CMSS1: variants seen among roughly 807,000 people sequenced by gnomAD.
The protein encoded by CMSS1 is cms1 ribosomal small subunit homolog, also known as protein CMSS1.
A neutral mutation model predicts 43.5 loss-of-function variants in CMSS1; 33 were observed. The observed-to-expected ratio is 0.76, with a 90% CI of 0.57 to 1.01. CMSS1 has a LOEUF of 1.01. CMSS1 is among the 50% of genes least tolerant of loss of function. The pLI is 0.00. For synonymous variants in CMSS1, 115 were observed against 117.2 expected (o/e 0.98, Z 0.12); for missense variants, 313 against 326.4 (o/e 0.96, Z 0.32).
chr3:99,918,192 G>C (rs796618259), intron 1 of CMSS1, among the ~76,000 whole-genome samples: 20 of 152,110 alleles, frequency 1.3e-4, no homozygotes, highest in Admixed American at 3.9e-4. Flanking sequence ...TGGCCAGGCT[G>C]GTCTCGAACC....
intron 1 of CMSS1, among the ~76,000 whole-genome samples, chr3:100,110,578 G>A (rs1009553495): frequency 3.3e-5 from 5 of 152,034 alleles, no homozygotes; most frequent in Non-Finnish European, 5.9e-5. Flanking sequence ...CAGGAAGAAC[G>A]TAAAAAAAGA....
intron 1 of CMSS1, chr3:99,849,161 T>C (rs1401457072): frequency 6.2e-7 from 1 of 1,614,040 alleles, no homozygotes; most frequent in South Asian, 1.1e-5. Context: ...CCCTCATCAT[T>C]AGGGTCCTCG....
chr3:99,848,940 T>C, intron 1 of CMSS1: 1 of 1,614,160 alleles, frequency 6.2e-7, no homozygotes, highest in Non-Finnish European at 8.5e-7. Context: ...TGGCTGTGTT[T>C]TGTACATGGT....
intron 1 of CMSS1, chr3:99,849,240 G>A: frequency 6.2e-7 from 1 of 1,614,136 alleles, no homozygotes; most frequent in East Asian, 2.2e-5. Flanking sequence ...TGAGGCTCTT[G>A]TAATCAGGTG....
At chr3:100,069,247 T>G (rs2065720516) in intron 1 of CMSS1, among the ~76,000 whole-genome samples, 1 of 152,130 alleles carries the variant, frequency 6.6e-6, no homozygotes, top group African/African-American at 2.4e-5. Flanking sequence ...GTTAGTTGCA[T>G]TCTTTCTATC....
intron 1 of CMSS1, among the ~76,000 whole-genome samples, chr3:99,961,085 C>T (rs1057200532): frequency 3.3e-5 from 5 of 152,192 alleles, no homozygotes; most frequent in African/African-American, 1.2e-4. Context: ...GGATTATGCA[C>T]AGCCCAAATG....
chr3:100,122,475 A>G (rs2066630364), intron 1 of CMSS1, among the ~76,000 whole-genome samples: 1 of 152,240 alleles, frequency 6.6e-6, no homozygotes, highest in Non-Finnish European at 1.5e-5. Flanking sequence ...CCACATGGCA[A>G]AGTGACAAGG....
rs557541941 is a variant in CMSS1 at position 99,944,972 on chromosome 3, G to A, written c.64+126929G>A. On this transcript the variant is annotated intron_variant, in intron 1 of 9. Coordinates refer to ENST00000421999, the MANE Select transcript of CMSS1 (RefSeq NM_032359.4). ...GCTTCTTCACTACTGTTCATTATTC[G>A]GCTCATTCTAGGCAGTAGGGAGGGA... 2.0e-4 allele frequency among the ~76,000 whole-genome samples: 31 copies of A among 152,254 alleles called. No homozygotes were observed. The East Asian group carries it at 3.1e-3, about 15-fold the overall frequency.
At chr3:100,076,174 A>G (rs1274597265) in intron 1 of CMSS1, among the ~76,000 whole-genome samples, 1 of 152,188 alleles carries the variant, frequency 6.6e-6, no homozygotes, top group Non-Finnish European at 1.5e-5. Flanking sequence ...AATGTAAACA[A>G]TAATTTTGAT....
intron 1 of CMSS1, among the ~76,000 whole-genome samples, chr3:99,947,420 A>G (rs1162836430): frequency 6.6e-6 from 1 of 152,100 alleles, no homozygotes; most frequent in East Asian, 1.9e-4. Flanking sequence ...CCATTCTCCT[A>G]TTATTGGATA....
At chr3:100,154,131 T>C (rs1203265807) in intron 2 of CMSS1, among the ~76,000 whole-genome samples, 3 of 152,218 alleles carry the variant, frequency 2.0e-5, no homozygotes, top group Non-Finnish European at 4.4e-5. Flanking sequence ...ATTACAGGTG[T>C]GAGCCACCCC....
intron 1 of CMSS1, among the ~76,000 whole-genome samples, chr3:99,831,324 A>C (rs1942663953): frequency 6.6e-6 from 1 of 152,248 alleles, no homozygotes; most frequent in Non-Finnish European, 1.5e-5. Context: ...TGAAGAGAAA[A>C]ATACTAAAAG....
intron 1 of CMSS1, chr3:99,850,078 G>T: frequency 6.2e-7 from 1 of 1,612,784 alleles, no homozygotes; most frequent in Non-Finnish European, 8.5e-7. Context: ...AGTAACTGTT[G>T]TTACTTTATT....
chr3:100,154,423 G>A (rs1317317603), intron 2 of CMSS1, among the ~76,000 whole-genome samples: 1 of 151,838 alleles, frequency 6.6e-6, no homozygotes, highest in Non-Finnish European at 1.5e-5. Flanking sequence ...CCTATATAAT[G>A]TATCATTTTG....
intron 1 of CMSS1, among the ~76,000 whole-genome samples, chr3:99,859,070 A>G (rs764491178): frequency 6.6e-6 from 1 of 152,232 alleles, no homozygotes; most frequent in African/African-American, 2.4e-5. Context: ...AAATGACAAA[A>G]CTGTTTTCAT....
intron 1 of CMSS1, among the ~76,000 whole-genome samples, chr3:100,060,843 T>C (rs1286483190): frequency 6.6e-6 from 1 of 152,024 alleles, no homozygotes; most frequent in Admixed American, 6.6e-5. Flanking sequence ...TCCTGGGCAA[T>C]AGAGCCAGAT....
intron 2 of CMSS1, among the ~76,000 whole-genome samples, chr3:100,151,912 C>T (rs941207301): frequency 6.6e-6 from 1 of 152,206 alleles, no homozygotes; most frequent in East Asian, 1.9e-4. Context: ...TCCTTAAGTA[C>T]AGCTCTTTGA....
At chr3:99,928,898 C>T (rs1010191230) in intron 1 of CMSS1, among the ~76,000 whole-genome samples, 21 of 152,112 alleles carry the variant, frequency 1.4e-4, no homozygotes, top group African/African-American at 2.9e-4. Context: ...ATCCTCACCC[C>T]GTAGAGAAGC....
chr3:100,014,891 C>CTTT (rs1710284139), intron 1 of CMSS1, among the ~76,000 whole-genome samples: 18 of 27,218 alleles, frequency 6.6e-4, no homozygotes, highest in South Asian at 1.5e-3. Flanking sequence ...TTTTTTCTTT[C>CTTT]TTTCTTTTTT....
Sources: gnomAD v4.1 joint callset for allele counts (sites outside exome capture counted in the v4.1 genomes callset) on GRCh38, gnomAD v4.1.1 for gene constraint, MANE v1.5 for transcripts, NCBI Gene and HGNC (gene_info 2026-07-23, HGNC 2026-07-21) for gene names.